Variants in NEMP2 observed in about 807,000 individuals in gnomAD.
NEMP2 encodes the protein UPF0571 transmembrane protein.
A neutral mutation model predicts 54.2 loss-of-function variants in NEMP2; 53 were observed. The observed-to-expected ratio is 0.98, with a 90% CI of 0.78 to 1.23. NEMP2 has a LOEUF of 1.23. NEMP2 is among the 50% of genes most tolerant of loss of function. NEMP2 has a pLI of 0.00. For synonymous variants in NEMP2, 197 were observed against 190.3 expected (o/e 1.04, Z -0.29); for missense variants, 455 against 511.3 (o/e 0.89, Z 1.06).
intron 7 of NEMP2, among the ~76,000 whole-genome samples, chr2:190,511,354 G>A (rs968748591): frequency 6.6e-6 from 1 of 151,846 alleles, no homozygotes; most frequent in African/African-American, 2.4e-5. Context: ...AGCAAATATT[G>A]TACAAAATTT....
the NEMP2 span, among the ~76,000 whole-genome samples, chr2:190,579,819 A>G: frequency 6.6e-6 from 1 of 152,234 alleles, no homozygotes; most frequent in Non-Finnish European, 1.5e-5. Flanking sequence ...ATCTATTTCT[A>G]TGAGAGATCC....
chr2:190,556,917 T>A, the NEMP2 span, among the ~76,000 whole-genome samples: 1 of 152,208 alleles, frequency 6.6e-6, no homozygotes, highest in Non-Finnish European at 1.5e-5. Flanking sequence ...AATTTATAGA[T>A]TCAATGCTAT....
chr2:190,466,535 A>G, the NEMP2 span, among the ~76,000 whole-genome samples: 3 of 152,214 alleles, frequency 2.0e-5, no homozygotes, highest in African/African-American at 4.8e-5. Context: ...TTTGTCAGAA[A>G]CCAAAGAGTA....
chr2:190,546,192 G>A, the NEMP2 span, among the ~76,000 whole-genome samples: 1 of 152,034 alleles, frequency 6.6e-6, no homozygotes, highest in African/African-American at 2.4e-5. The surrounding 1 kb of genome is among the most constrained non-coding windows in gnomAD (Gnocchi z 5.1). Flanking sequence ...CGCATCCATG[G>A]CCTTACTCAA....
the NEMP2 span, among the ~76,000 whole-genome samples, chr2:190,633,129 T>C: frequency 6.6e-6 from 1 of 152,208 alleles, no homozygotes. Context: ...TGCATTCTGA[T>C]TGCACCCTCT....
At chr2:190,620,462 AAC>A in the NEMP2 span, 1 of 152,206 alleles carries the variant, frequency 6.6e-6, no homozygotes, top group African/African-American at 2.4e-5. The surrounding 1 kb of genome is among the most constrained non-coding windows in gnomAD (Gnocchi z 4.9). Context: ...CAAACAAAAA[AAC>A]AGAGAATCCG....
chr2:190,447,794 T>G, the NEMP2 span, among the ~76,000 whole-genome samples: 1 of 152,218 alleles, frequency 6.6e-6, no homozygotes, highest in Non-Finnish European at 1.5e-5. The surrounding 1 kb of genome is among the most constrained non-coding windows in gnomAD (Gnocchi z 4.5). Context: ...CTATGGAGTC[T>G]CAAAAATTGA....
the NEMP2 span, among the ~76,000 whole-genome samples, chr2:190,646,299 C>G: frequency 6.6e-6 from 1 of 152,160 alleles, no homozygotes; most frequent in African/African-American, 2.4e-5. Flanking sequence ...GAATGTGAAT[C>G]TCTTTGCTTT....
chr2:190,483,507 C>T, the NEMP2 span, among the ~76,000 whole-genome samples: 1 of 152,134 alleles, frequency 6.6e-6, no homozygotes, highest in South Asian at 2.1e-4. Context: ...AAACACTTAG[C>T]ACAATTCCTT....
At chr2:190,576,367 G>T in the NEMP2 span, among the ~76,000 whole-genome samples, 1 of 152,142 alleles carries the variant, frequency 6.6e-6, no homozygotes, top group Non-Finnish European at 1.5e-5. Context: ...TATCTGAACC[G>T]TATGGTTGGA....
the NEMP2 span, among the ~76,000 whole-genome samples, chr2:190,605,532 A>G: frequency 6.6e-5 from 10 of 151,592 alleles, no homozygotes; most frequent in African/African-American, 2.4e-4. Flanking sequence ...CCACCACCAC[A>G]CCCAGCTAAT....
the NEMP2 span, among the ~76,000 whole-genome samples, chr2:190,438,373 G>A: frequency 1.3e-5 from 2 of 152,184 alleles, no homozygotes; most frequent in South Asian, 4.1e-4. The surrounding 1 kb of genome is among the most constrained non-coding windows in gnomAD (Gnocchi z 5.2). Context: ...AAAGTTAGCC[G>A]GGCATGGTGG....
the NEMP2 span, among the ~76,000 whole-genome samples, chr2:190,647,806 C>A: frequency 6.7e-6 from 1 of 149,226 alleles, no homozygotes; most frequent in African/African-American, 2.5e-5. Context: ...CCTCCGCCTC[C>A]CGGGTTCAAG....
chr2:190,647,710 C>CTTTTTTTTTTTTTTTTTTTTT, the NEMP2 span, among the ~76,000 whole-genome samples: 3 of 102,384 alleles, frequency 2.9e-5, no homozygotes, highest in African/African-American at 3.8e-5. Context: ...TCTTCTTCTT[C>CTTTTTTTTTTTTTTTTTTTTT]TTTTTTTTTT....
chr2:190,563,258 C>G, the NEMP2 span, among the ~76,000 whole-genome samples: 3 of 152,100 alleles, frequency 2.0e-5, no homozygotes, highest in Non-Finnish European at 4.4e-5. This position sits in a 1 kb window ranked among gnomAD's most constrained non-coding sequence, Gnocchi z 4.3. Context: ...ACTCAGCGGC[C>G]CAGCCTCCTC....
chr2:190,426,294 C>T, the NEMP2 span, among the ~76,000 whole-genome samples: 5 of 152,142 alleles, frequency 3.3e-5, no homozygotes, highest in African/African-American at 4.8e-5. This position sits in a 1 kb window ranked among gnomAD's most constrained non-coding sequence, Gnocchi z 4.7. Context: ...CCAATTCACT[C>T]ATTAATCCCT....
At chr2:190,488,620 T>G in the NEMP2 span, 5 of 1,412,538 alleles carry the variant, frequency 3.5e-6, no homozygotes, top group Non-Finnish European at 4.7e-6. The surrounding 1 kb of genome is among the most constrained non-coding windows in gnomAD (Gnocchi z 6.4). Context: ...TAAGAAATGC[T>G]AACCAACTAA....
chr2:190,515,041 G>A (rs1437488650), intron 6 of NEMP2, among the ~76,000 whole-genome samples: 1 of 152,034 alleles, frequency 6.6e-6, no homozygotes, highest in Non-Finnish European at 1.5e-5. Context: ...TTACCTTCTT[G>A]TCATGAAAGG....
chr2:190,447,330 G>T, the NEMP2 span, among the ~76,000 whole-genome samples: 1 of 152,186 alleles, frequency 6.6e-6, no homozygotes, highest in Non-Finnish European at 1.5e-5. This position sits in a 1 kb window ranked among gnomAD's most constrained non-coding sequence, Gnocchi z 4.5. Flanking sequence ...GAAACTGTGA[G>T]GTTAGGTCAG....
Sources: gnomAD v4.1 joint callset for allele counts (sites outside exome capture counted in the v4.1 genomes callset) on GRCh38, gnomAD v4.1.1 for gene constraint, Gnocchi (gnomAD v3.1) non-coding constraint, MANE v1.5 for transcripts, NCBI Gene and HGNC (gene_info 2026-07-23, HGNC 2026-07-21) for gene names.